Variants in RBFOX1 observed in about 807,000 individuals in gnomAD.
RBFOX1 encodes RNA binding protein fox-1 homolog 1.
RBFOX1 carries 8 observed loss-of-function variants against 57.7 expected under a neutral mutation model. That is an observed-to-expected ratio of 0.14 (90% CI 0.08 to 0.25). The LOEUF is 0.25. RBFOX1 is among the 10% of genes least tolerant of loss of function. The pLI is 1.00. For synonymous variants in RBFOX1, 326 were observed against 222.4 expected, an observed-to-expected ratio of 1.47 and a Z score of -4.15; for missense variants, 611 against 548.5, an observed-to-expected ratio of 1.11 and a Z score of -1.14.
intron 3 of RBFOX1, among the ~76,000 whole-genome samples, chr16:6,911,425 G>C (rs759430044): frequency 6.6e-6 from 1 of 152,120 alleles, no homozygotes; most frequent in African/African-American, 2.4e-5. Flanking sequence ...TGTGGTTGCT[G>C]GCAACGCATG....
intron 3 of RBFOX1, among the ~76,000 whole-genome samples, chr16:6,951,553 G>A (rs1031960907): frequency 6.6e-6 from 1 of 152,024 alleles, no homozygotes; most frequent in African/African-American, 2.4e-5. Flanking sequence ...GAATATTGGG[G>A]ACTACTAAGA....
At chr16:6,362,529 A>C (rs935089855) in intron 2 of RBFOX1, among the ~76,000 whole-genome samples, 10 of 152,200 alleles carry the variant, frequency 6.6e-5, no homozygotes, top group Admixed American at 4.6e-4. Context: ...GTGTGCCAGG[A>C]CATATGAAAT....
At chr16:5,339,514 GC>G (rs1452796189) in intron 1 of RBFOX1, among the ~76,000 whole-genome samples, 1 of 85,984 alleles carries the variant, frequency 1.2e-5, no homozygotes, top group Non-Finnish European at 2.2e-5. Context: ...ATGGAGTCTT[GC>G]TGGGTCACTC....
intron 2 of RBFOX1, among the ~76,000 whole-genome samples, chr16:6,512,739 T>G (rs1412779016): frequency 6.6e-6 from 1 of 152,152 alleles, no homozygotes; most frequent in African/African-American, 2.4e-5. Flanking sequence ...ACTGTCTTGT[T>G]TCTGTGGCCA....
chr16:7,009,218 C>A (rs1453021362), intron 3 of RBFOX1, among the ~76,000 whole-genome samples: 2 of 134,426 alleles, frequency 1.5e-5, no homozygotes, highest in Non-Finnish European at 3.2e-5. Flanking sequence ...TTCTCTCTGT[C>A]CCTCTTTCTT....
intron 4 of RBFOX1, among the ~76,000 whole-genome samples, chr16:5,922,798 G>C (rs370100724): frequency 3.9e-5 from 6 of 152,300 alleles, no homozygotes; most frequent in East Asian, 3.9e-4. Flanking sequence ...AGGGGCTAAC[G>C]CTCTCCATTC....
intron 4 of RBFOX1, among the ~76,000 whole-genome samples, chr16:5,977,901 C>T (rs990363818): frequency 1.5e-4 from 23 of 151,862 alleles, no homozygotes; most frequent in African/African-American, 5.3e-4. Flanking sequence ...GTTTTTTTGA[C>T]TGTTCCTTTA....
chr16:7,504,220 C>T (rs186962892), intron 4 of RBFOX1, among the ~76,000 whole-genome samples: 9 of 152,068 alleles, frequency 5.9e-5, no homozygotes, highest in African/African-American at 1.2e-4. Flanking sequence ...AGTCGGTGCC[C>T]GTATCATCGG....
intron 3 of RBFOX1, among the ~76,000 whole-genome samples, chr16:6,694,610 C>T (rs2060738972): frequency 6.6e-6 from 1 of 152,162 alleles, no homozygotes; most frequent in African/African-American, 2.4e-5. Context: ...TCATGTTTGC[C>T]ATCCCAAAGT....
chr16:6,915,269 A>T (rs138995051), intron 3 of RBFOX1, among the ~76,000 whole-genome samples: 2 of 152,094 alleles, frequency 1.3e-5, no homozygotes, highest in South Asian at 4.2e-4. Context: ...AATTCCCTCC[A>T]AGAAGGGCCT....
chr16:6,612,887 G>A (rs547695638), intron 2 of RBFOX1, among the ~76,000 whole-genome samples: 1 of 128,564 alleles, frequency 7.8e-6, no homozygotes, highest in South Asian at 2.5e-4. Flanking sequence ...ATATTTGTTT[G>A]TTCCAGAGGG....
At chr16:6,638,135 C>G (rs924398273) in intron 2 of RBFOX1, among the ~76,000 whole-genome samples, 3 of 152,022 alleles carry the variant, frequency 2.0e-5, no homozygotes, top group East Asian at 1.9e-4. Flanking sequence ...AGAAAGTAAT[C>G]AAGACTTTAA....
chr16:7,364,828 A>T (rs931175539), intron 4 of RBFOX1, among the ~76,000 whole-genome samples: 4 of 152,200 alleles, frequency 2.6e-5, no homozygotes, highest in Admixed American at 1.3e-4. Context: ...TGAGGGCAAC[A>T]TACTTGTTTT....
intron 1 of RBFOX1, among the ~76,000 whole-genome samples, chr16:5,431,858 A>G (rs1247055666): frequency 2.0e-5 from 3 of 152,024 alleles, no homozygotes; most frequent in Non-Finnish European, 4.4e-5. Flanking sequence ...CGTCCCTACA[A>G]ATTTCCAGAG....
At chr16:5,848,928 G>A (rs1326668087) in intron 3 of RBFOX1, among the ~76,000 whole-genome samples, 3 of 151,870 alleles carry the variant, frequency 2.0e-5, no homozygotes, top group African/African-American at 7.3e-5. Context: ...CAGCCTGGGT[G>A]ACAGGGAGAG....
intron 5 of RBFOX1, among the ~76,000 whole-genome samples, chr16:7,560,644 C>T (rs1200133491): frequency 6.6e-6 from 1 of 152,062 alleles, no homozygotes; most frequent in Non-Finnish European, 1.5e-5. Flanking sequence ...TGTCATCCTT[C>T]CTTTTTCATA....
intron 4 of RBFOX1, among the ~76,000 whole-genome samples, chr16:7,335,498 G>T (rs942602169): frequency 6.7e-6 from 1 of 148,732 alleles, no homozygotes; most frequent in African/African-American, 2.4e-5. Flanking sequence ...AAGAGATTTT[G>T]TGGCAGAGTG....
At chr16:5,743,701 G>C (rs760258942) in intron 3 of RBFOX1, among the ~76,000 whole-genome samples, 5 of 152,028 alleles carry the variant, frequency 3.3e-5, no homozygotes, top group Admixed American at 6.6e-5. Flanking sequence ...AACGAGATCT[G>C]CCTTGTAACA....
intron 2 of RBFOX1, among the ~76,000 whole-genome samples, chr16:6,489,781 G>C (rs1180780221): frequency 6.6e-6 from 1 of 152,128 alleles, no homozygotes; most frequent in East Asian, 1.9e-4. Flanking sequence ...TGGGTCAGGA[G>C]GTCTTGTGAA....
Sources: allele counts gnomAD v4.1 joint callset (sites outside exome capture counted in the v4.1 genomes callset), GRCh38; gene constraint gnomAD v4.1.1; transcripts MANE v1.5; gene names NCBI Gene and HGNC (gene_info 2026-07-23, HGNC 2026-07-21).